PRKN: variants seen among roughly 807,000 people sequenced by gnomAD.
The protein encoded by PRKN is parkin RBR E3 ubiquitin protein ligase.
Under a neutral mutation model 59.5 loss-of-function variants are expected in PRKN, and 56 were observed. The observed-to-expected ratio is 0.94, with a 90% CI of 0.76 to 1.18. The LOEUF (loss-of-function observed/expected upper bound fraction) is 1.18, where lower values mean the gene tolerates loss of function less well. Ranked by LOEUF, PRKN falls within the 50% of genes most tolerant of loss-of-function variation. PRKN has a pLI of 0.00. For missense variants in PRKN, 657 were observed against 596.4 expected (o/e 1.10, Z -1.06); for synonymous variants, 250 against 222.1 (o/e 1.13, Z -1.12).
intron 9 of PRKN, among the ~76,000 whole-genome samples, chr6:161,411,624 A>C (rs1477579493): frequency 6.6e-6 from 1 of 151,944 alleles, no homozygotes; most frequent in African/African-American, 2.4e-5. Flanking sequence ...CCACTCATTC[A>C]TTCCTTCCTT....
chr6:162,325,713 C>G (rs1179493069), intron 2 of PRKN, among the ~76,000 whole-genome samples: 2 of 152,132 alleles, frequency 1.3e-5, no homozygotes, highest in Non-Finnish European at 2.9e-5. Context: ...GTACATATGT[C>G]TATTTAGGGG....
intron 7 of PRKN, among the ~76,000 whole-genome samples, chr6:161,759,788 T>C (rs937918176): frequency 3.3e-5 from 5 of 152,272 alleles, no homozygotes; most frequent in East Asian, 1.9e-4. Context: ...GCAGAGTATA[T>C]ATCTGGTGTT....
At chr6:161,650,562 G>C (rs889648138) in intron 7 of PRKN, among the ~76,000 whole-genome samples, 1 of 152,170 alleles carries the variant, frequency 6.6e-6, no homozygotes, top group Non-Finnish European at 1.5e-5. Flanking sequence ...GACAGGGAGA[G>C]AGAGGCAGAG....
At chr6:162,555,410 T>C (rs766857183) in intron 1 of PRKN, among the ~76,000 whole-genome samples, 2 of 152,130 alleles carry the variant, frequency 1.3e-5, no homozygotes, top group African/African-American at 2.4e-5. Flanking sequence ...ATAAAATTAA[T>C]GAAAATGAGA....
chr6:161,595,826 G>A (rs1362746803), intron 7 of PRKN, among the ~76,000 whole-genome samples: 1 of 152,130 alleles, frequency 6.6e-6, no homozygotes, highest in Non-Finnish European at 1.5e-5. Context: ...GGAAGGAGGT[G>A]GTGCTATAAT....
intron 2 of PRKN, among the ~76,000 whole-genome samples, chr6:162,339,369 C>T (rs1348105746): frequency 1.4e-5 from 2 of 147,528 alleles, no homozygotes; most frequent in African/African-American, 5.0e-5. Flanking sequence ...CGGCCAGCCG[C>T]CCCGTCCGGG....
chr6:161,814,031 C>A (rs930719150), intron 6 of PRKN, among the ~76,000 whole-genome samples: 8 of 152,116 alleles, frequency 5.3e-5, no homozygotes, highest in African/African-American at 1.7e-4. Context: ...AAAAGAGGAT[C>A]CTTTTATCTT....
chr6:161,855,515 T>C (rs925940458), intron 6 of PRKN, among the ~76,000 whole-genome samples: 8 of 152,320 alleles, frequency 5.3e-5, no homozygotes, highest in Admixed American at 2.6e-4. Context: ...GATCACAGCA[T>C]TTAGAAGAGT....
At chr6:162,024,891 G>T (rs944537259) in intron 5 of PRKN, among the ~76,000 whole-genome samples, 2 of 151,836 alleles carry the variant, frequency 1.3e-5, no homozygotes, top group Non-Finnish European at 2.9e-5. Context: ...TCATTCCTTT[G>T]TTGTTTATAG....
intron 1 of PRKN, among the ~76,000 whole-genome samples, chr6:162,524,929 A>G (rs942439249): frequency 1.3e-5 from 2 of 152,160 alleles, no homozygotes; most frequent in Admixed American, 1.3e-4. Context: ...CCCCATGTAC[A>G]CTTTTCCATG....
chr6:162,584,565 T>A (rs1007425865), intron 1 of PRKN, among the ~76,000 whole-genome samples: 3 of 151,922 alleles, frequency 2.0e-5, no homozygotes, highest in Admixed American at 6.6e-5. Context: ...AGAAGGTGAA[T>A]CACAAGCAAA....
chr6:162,574,800 G>C (rs1021902768), intron 1 of PRKN, among the ~76,000 whole-genome samples: 2 of 141,898 alleles, frequency 1.4e-5, no homozygotes, highest in Admixed American at 1.5e-4. Context: ...TAGACAAAAA[G>C]AGGTATTTTG....
chr6:162,037,318 G>A (rs561742397), intron 5 of PRKN, among the ~76,000 whole-genome samples: 37 of 152,190 alleles, frequency 2.4e-4, no homozygotes, highest in Non-Finnish European at 5.0e-4. Context: ...TGTGCTCATA[G>A]AGACCTGTAT....
intron 9 of PRKN, among the ~76,000 whole-genome samples, chr6:161,469,366 C>G (rs373237396): frequency 3.3e-5 from 5 of 152,182 alleles, no homozygotes; most frequent in Non-Finnish European, 7.3e-5. Flanking sequence ...CCTAGCCATA[C>G]AGAACTGTGA....
intron 1 of PRKN, among the ~76,000 whole-genome samples, chr6:162,454,674 T>C (rs4709612): frequency 0.37 from 55,669 of 152,040 alleles, 10,412 homozygotes; most frequent in East Asian, 0.58. Flanking sequence ...TCACACACCG[T>C]TCCTTCAAAC....
intron 4 of PRKN, among the ~76,000 whole-genome samples, chr6:162,180,161 G>T (rs998053217): frequency 6.6e-6 from 1 of 152,080 alleles, no homozygotes; most frequent in African/African-American, 2.4e-5. Flanking sequence ...GCTGCACTGA[G>T]GAAGTGACAA....
intron 5 of PRKN, among the ~76,000 whole-genome samples, chr6:161,985,752 C>T (rs989962379): frequency 2.6e-5 from 4 of 152,168 alleles, no homozygotes; most frequent in African/African-American, 9.7e-5. Flanking sequence ...ACTTTCTAAC[C>T]TCCTTGCCTC....
Position 161,708,138 on chromosome 6 carries a change from TA to T in PRKN, c.871+77633del, listed in dbSNP as rs1786585464. Among the ~76,000 whole-genome samples, 3 of 152,222 alleles carry T rather than the reference TA, an allele frequency of 2.0e-5. No individual in the cohort carries two copies. In the South Asian group the frequency reaches 6.2e-4, roughly 32 times the overall value. On this transcript the variant is annotated intron_variant, in intron 7 of 11. Coordinates refer to ENST00000366898, the MANE Select transcript of PRKN (RefSeq NM_004562.3). ...TCAATAATATAAAAAATTATAATGA[TA>T]GAATTAGTGAATACTAAGTTTAGTG... is the stretch of plus-strand genomic sequence containing the variant.
At chr6:162,231,497 T>C (rs1778416286) in intron 3 of PRKN, among the ~76,000 whole-genome samples, 1 of 152,176 alleles carries the variant, frequency 6.6e-6, no homozygotes. Context: ...GCATTTTATT[T>C]ATACTGAGAA....
Sources: gnomAD v4.1 joint callset for allele counts (sites outside exome capture counted in the v4.1 genomes callset) on GRCh38, gnomAD v4.1.1 for gene constraint, MANE v1.5 for transcripts, NCBI Gene and HGNC (gene_info 2026-07-23, HGNC 2026-07-21) for gene names.